Variants in NPAS3 observed in about 807,000 individuals in gnomAD.
The protein encoded by NPAS3 is neuronal PAS domain protein 3.
NPAS3 carries 14 observed loss-of-function variants against 73.1 expected under a neutral mutation model. The ratio of observed to expected loss-of-function variants is 0.19; its 90% CI spans 0.13 to 0.30. The LOEUF (loss-of-function observed/expected upper bound fraction) is 0.30. Ranked by LOEUF, NPAS3 falls within the 10% of genes least tolerant of loss-of-function variation. The pLI is 1.00. For missense variants in NPAS3, 1,096 were observed against 1,250.0 expected, an observed-to-expected ratio of 0.88 and a Z score of 1.86; for synonymous variants, 620 against 541.5, an observed-to-expected ratio of 1.14 and a Z score of -2.01.
chr14:33,483,798 C>T (rs1021260987), intron 4 of NPAS3, among the ~76,000 whole-genome samples: 2 of 152,174 alleles, frequency 1.3e-5, no homozygotes, highest in African/African-American at 4.8e-5. Context: ...AAATATGCTC[C>T]TTTTCTCCAC....
intron 6 of NPAS3, among the ~76,000 whole-genome samples, chr14:33,718,907 A>G (rs527711610): frequency 4.6e-5 from 7 of 152,196 alleles, no homozygotes; most frequent in Middle Eastern, 3.4e-3. Flanking sequence ...AGGAGGATCA[A>G]TTGAGCCCAG....
intron 1 of NPAS3, among the ~76,000 whole-genome samples, chr14:33,052,003 C>T (rs2040727769): frequency 1.3e-5 from 2 of 152,192 alleles, no homozygotes; most frequent in Admixed American, 6.5e-5. Context: ...TCATGATCCA[C>T]CCACCTTGGC....
At position 33,258,436 on chromosome 14, in the gene NPAS3, G is replaced by C. The variant is rs193102042; in HGVS notation, c.385+43010G>C. On this transcript the variant is annotated intron_variant, in intron 3 of 11. Coordinates refer to ENST00000356141, the Ensembl canonical transcript of NPAS3. The stretch of plus-strand genomic sequence containing the variant: ...AAAAGTTAAAATGCCTGACTTGATA[G>C]TTTGCCAAGTTCTTTTAAGGGAGTA... Among the ~76,000 whole-genome samples the C allele has an allele frequency of 2.3e-3, 348 of 152,262 alleles. 1 individual carries two copies. Among genetic ancestry groups the C allele is most frequent in the Non-Finnish European group, 3.8e-3 (261 of 68,010 alleles).
intron 5 of NPAS3, among the ~76,000 whole-genome samples, chr14:33,642,448 A>G (rs1304286543): frequency 2.0e-5 from 3 of 152,216 alleles, no homozygotes; most frequent in Non-Finnish European, 4.4e-5. Context: ...GGGAGAGAGA[A>G]CAATGGCCCA....
intron 5 of NPAS3, among the ~76,000 whole-genome samples, chr14:33,653,848 C>G (rs2059068947): frequency 6.6e-6 from 1 of 152,142 alleles, no homozygotes. Context: ...TTTAGGTAAA[C>G]CATTTTATTC....
At chr14:33,543,899 A>AGCTGTGT (rs1196368753) in intron 4 of NPAS3, among the ~76,000 whole-genome samples, 1 of 118,714 alleles carries the variant, frequency 8.4e-6, no homozygotes, top group Non-Finnish European at 1.8e-5. Context: ...TTCAGTTCCC[A>AGCTGTGT]GCTGTGTGAT....
At chr14:33,612,617 G>A in intron 5 of NPAS3, 1 of 412,204 alleles carries the variant, frequency 2.4e-6, no homozygotes, top group South Asian at 1.8e-5. Context: ...TAGGTTCAGA[G>A]TGAGGGGTGC....
In NPAS3 at chr14:33,235,333, T is replaced by C. The variant is rs901048108; in HGVS notation, c.385+19907T>C. Among the ~76,000 whole-genome samples the C allele has an allele frequency of 2.0e-5, 3 of 152,114 alleles. No homozygotes were observed. The South Asian group carries it at 6.2e-4, about 31-fold the overall frequency. The stretch of plus-strand genomic sequence containing the variant: ...TGAGGAGTGAGAATTTGTGGTCTTT[T>C]TGTTCACTGAAATAATGGTTGATCT... On this transcript the variant is annotated intron_variant, in intron 3 of 11. Transcript: ENST00000356141.
intron 1 of NPAS3, among the ~76,000 whole-genome samples, chr14:32,947,275 T>G (rs2036300078): frequency 6.6e-6 from 1 of 152,150 alleles, no homozygotes; most frequent in African/African-American, 2.4e-5. Flanking sequence ...GGATGCTAGC[T>G]CTAAACTTCA....
chr14:33,674,900 TCTGGGGA>T (rs1432767816), intron 5 of NPAS3, among the ~76,000 whole-genome samples: 1 of 152,108 alleles, frequency 6.6e-6, no homozygotes, highest in Non-Finnish European at 1.5e-5. Flanking sequence ...GACTTGGAGT[TCTGGGGA>T]CAAGAATTGC....
intron 3 of NPAS3, among the ~76,000 whole-genome samples, chr14:33,253,864 G>A (rs55880717): frequency 1.3e-5 from 2 of 151,868 alleles, no homozygotes; most frequent in Admixed American, 6.6e-5. Context: ...ATTTTGCCTC[G>A]ATCTGCCATA....
intron 1 of NPAS3, among the ~76,000 whole-genome samples, chr14:32,973,416 ATTTG>A (rs2037519899): frequency 6.6e-6 from 1 of 152,000 alleles, no homozygotes; most frequent in South Asian, 2.1e-4. Flanking sequence ...CTAAAAAGTC[ATTTG>A]TTTGAAAACA....
intron 3 of NPAS3, among the ~76,000 whole-genome samples, chr14:33,330,953 A>C (rs185661959): frequency 2.0e-5 from 3 of 152,320 alleles, no homozygotes; most frequent in African/African-American, 7.2e-5. Context: ...CATATATTTT[A>C]AAGGTTGAGG....
At chr14:33,742,026 T>TA (rs2061667543) in intron 7 of NPAS3, among the ~76,000 whole-genome samples, 1 of 152,172 alleles carries the variant, frequency 6.6e-6, no homozygotes, top group South Asian at 2.1e-4. Flanking sequence ...CTATTGCTCC[T>TA]AAAAGTTATT....
chr14:33,277,172 A>G (rs2041373227), intron 3 of NPAS3, among the ~76,000 whole-genome samples: 1 of 152,208 alleles, frequency 6.6e-6, no homozygotes, highest in African/African-American at 2.4e-5. Flanking sequence ...AGCCATTAAC[A>G]AAAGAAAGAC....
At chr14:33,679,353 T>TTCACTAATGCAGATGATGG (rs2059867711) in intron 6 of NPAS3, among the ~76,000 whole-genome samples, 1 of 152,180 alleles carries the variant, frequency 6.6e-6, no homozygotes, top group South Asian at 2.1e-4. Flanking sequence ...ATGAAATATC[T>TTCACTAATGCAGATGATGG]TCACTAATGC....
chr14:33,171,370 G>A (rs370153921), intron 2 of NPAS3, among the ~76,000 whole-genome samples: 7 of 152,286 alleles, frequency 4.6e-5, no homozygotes, highest in African/African-American at 1.7e-4. Context: ...TGATAAATGA[G>A]AGTTGGCTTC....
rs563941292 is a variant in NPAS3, at chr14:33,633,925, G to A, written c.559-42286G>A. 8.5e-5 allele frequency among the ~76,000 whole-genome samples: 13 copies of A among 152,280 alleles called. No individual in the cohort carries two copies. In the South Asian group the frequency reaches 2.7e-3, roughly 32 times the overall value. On this transcript the variant is annotated intron_variant, in intron 5 of 11. Coordinates refer to ENST00000356141, the Ensembl canonical transcript of NPAS3. ...TCCCAGGACATCGAGGCTGCATTGA[G>A]CTGTGTTTGCACCACTGCACTCAGC... is the stretch of plus-strand genomic sequence containing the variant.
At chr14:33,304,383 T>A (rs1221501256) in intron 3 of NPAS3, among the ~76,000 whole-genome samples, 1 of 152,162 alleles carries the variant, frequency 6.6e-6, no homozygotes, top group Non-Finnish European at 1.5e-5. Context: ...AGCTTAATGT[T>A]ACTCATAGAA....
Sources: gnomAD v4.1 joint callset for allele counts (sites outside exome capture counted in the v4.1 genomes callset) on GRCh38, gnomAD v4.1.1 for gene constraint, MANE v1.5 for transcripts, NCBI Gene and HGNC (gene_info 2026-07-23, HGNC 2026-07-21) for gene names.